The following PSMD1 variants were observed in gnomAD, a reference collection of about 807,000 sequenced individuals.
The protein encoded by PSMD1 is proteasome 26S subunit, non-ATPase 1.
In PSMD1, 18 loss-of-function variants were observed where a neutral mutation model predicts 119.0. The observed-to-expected ratio is 0.15, with a 90% CI of 0.10 to 0.22. PSMD1 has a LOEUF of 0.22. Among genes scored for constraint, PSMD1 ranks in the 10% least tolerant of loss-of-function variants. The pLI is 1.00. For missense variants in PSMD1, 702 were observed against 1,158.5 expected (o/e 0.61, Z 5.72); for synonymous variants, 374 against 396.6 (o/e 0.94, Z 0.68).
chr2:231,123,560 T>C (rs1397921791), intron 16 of PSMD1: 1 of 1,614,112 alleles, frequency 6.2e-7, no homozygotes, highest in African/African-American at 1.3e-5. Flanking sequence ...TTTCCACCAA[T>C]TGTGGGTATT....
chr2:231,131,343 A>G (rs960209056), intron 16 of PSMD1, among the ~76,000 whole-genome samples: 1 of 152,192 alleles, frequency 6.6e-6, no homozygotes, highest in African/African-American at 2.4e-5. Context: ...TGGTGATATA[A>G]TTTTATCATT....
At chr2:231,149,016 C>G (rs1696312919) in intron 18 of PSMD1, among the ~76,000 whole-genome samples, 1 of 152,052 alleles carries the variant, frequency 6.6e-6, no homozygotes, top group East Asian at 1.9e-4. Flanking sequence ...AGTTATAAAC[C>G]CCTCTCAAAG....
intron 16 of PSMD1, among the ~76,000 whole-genome samples, chr2:231,134,036 T>C (rs1401741906): frequency 6.6e-6 from 1 of 152,240 alleles, no homozygotes; most frequent in African/African-American, 2.4e-5. Context: ...TATTTTGGTG[T>C]GCGTTTCATT....
intron 1 of PSMD1, among the ~76,000 whole-genome samples, chr2:231,059,877 TGTAGA>T (rs1166969184): frequency 1.3e-5 from 2 of 152,014 alleles, no homozygotes; most frequent in Admixed American, 1.3e-4. Flanking sequence ...ATGTATGGAG[TGTAGA>T]GTATTTGATT....
chr2:231,158,170 G>A (rs1350990681), intron 19 of PSMD1, among the ~76,000 whole-genome samples: 1 of 152,008 alleles, frequency 6.6e-6, no homozygotes, highest in Non-Finnish European at 1.5e-5. Flanking sequence ...ACTTAGCTGG[G>A]CGTGGTGGTG....
intron 16 of PSMD1, chr2:231,108,587 A>G: frequency 1.2e-6 from 2 of 1,613,944 alleles, no homozygotes; most frequent in South Asian, 1.1e-5. Context: ...ATCTAGTAGA[A>G]TGATTGATGA....
At chr2:231,160,591 ACTAT>A (rs1162913515) in intron 19 of PSMD1, among the ~76,000 whole-genome samples, 11 of 152,220 alleles carry the variant, frequency 7.2e-5, no homozygotes, top group African/African-American at 1.2e-4. Flanking sequence ...AACTAAGCAA[ACTAT>A]CTATGCTTGC....
At chr2:231,064,014 C>G (rs1186704677) in intron 4 of PSMD1, among the ~76,000 whole-genome samples, 4 of 152,068 alleles carry the variant, frequency 2.6e-5, no homozygotes, top group African/African-American at 9.7e-5. Flanking sequence ...CAGTGATCTA[C>G]AAATGCTTAA....
chr2:231,091,035 A>G (rs1254297986), intron 16 of PSMD1, among the ~76,000 whole-genome samples: 1 of 152,206 alleles, frequency 6.6e-6, no homozygotes, highest in Non-Finnish European at 1.5e-5. Context: ...CGAGTGATAG[A>G]TGAAAGAAGT....
chr2:231,065,594 C>A (rs535383623), intron 4 of PSMD1, among the ~76,000 whole-genome samples: 1 of 152,134 alleles, frequency 6.6e-6, no homozygotes. Flanking sequence ...CCACCGCGCC[C>A]GGCCAGGGTG....
chr2:231,135,034 T>C (rs1695936772), intron 16 of PSMD1, among the ~76,000 whole-genome samples: 1 of 152,214 alleles, frequency 6.6e-6, no homozygotes, highest in Non-Finnish European at 1.5e-5. Flanking sequence ...ACAGAAAATA[T>C]AGTCTCAGCC....
intron 16 of PSMD1, among the ~76,000 whole-genome samples, chr2:231,103,345 CT>C (rs1292292069): frequency 1.3e-5 from 2 of 152,144 alleles, no homozygotes; most frequent in African/African-American, 4.8e-5. Context: ...TCACAAAATC[CT>C]TATGACATAA....
intron 16 of PSMD1, among the ~76,000 whole-genome samples, chr2:231,092,567 C>T (rs751673464): frequency 2.6e-5 from 4 of 152,122 alleles, no homozygotes; most frequent in East Asian, 1.9e-4. Context: ...TGGGATATCC[C>T]GTCCCTCCAT....
chr2:231,167,555 A>C (rs1696816913), intron 23 of PSMD1, among the ~76,000 whole-genome samples: 2 of 151,976 alleles, frequency 1.3e-5, no homozygotes, highest in Non-Finnish European at 2.9e-5. Context: ...AATCCTGTTG[A>C]AGGTATAGCC....
chr2:231,083,569 G>A lies in PSMD1; in HGVS notation c.1528G>A (p.Glu510Lys), dbSNP rs1694364876. The A allele has an allele frequency of 6.2e-7, 1 of 1,614,182 alleles. No homozygotes were observed. The highest frequency in any genetic ancestry group is 8.5e-7 in the Non-Finnish European group (1 of 1,180,014). ...NLYQDDAVTG[E>K]AAGLALGLVM... ...ACATTTTACTCGTTACTTGCCAGGG[G>A]AAGCAGCTGGCCTGGCCCTAGGTTT... The change falls in exon 14 of 25, where the codon GAA (glutamate) becomes AAA (lysine). Residue 510 changes from glutamate (E) to lysine (K), a missense_variant and splice_region_variant. By Grantham distance (56) the Glu-to-Lys change is moderately conservative. This residue lies in a region of PSMD1 where 272 missense variants were observed against 511.6 expected (regional missense o/e 0.53). Transcript: ENST00000308696.
intron 16 of PSMD1, among the ~76,000 whole-genome samples, chr2:231,129,117 A>G (rs1319309462): frequency 1.3e-5 from 2 of 152,224 alleles, no homozygotes; most frequent in African/African-American, 2.4e-5. Flanking sequence ...ATAGACTTTT[A>G]TCATTAGAAT....
intron 17 of PSMD1, among the ~76,000 whole-genome samples, chr2:231,141,983 A>C (rs938081978): frequency 1.3e-5 from 2 of 152,082 alleles, no homozygotes; most frequent in African/African-American, 4.8e-5. Flanking sequence ...CCTGGGTTCA[A>C]ACGATTCTCC....
intron 18 of PSMD1, among the ~76,000 whole-genome samples, chr2:231,151,539 T>A (rs1347417788): frequency 6.6e-6 from 1 of 152,190 alleles, no homozygotes; most frequent in Non-Finnish European, 1.5e-5. Flanking sequence ...TATTGTATAG[T>A]TGGACTGATT....
intron 16 of PSMD1, among the ~76,000 whole-genome samples, chr2:231,091,388 G>T (rs549086040): frequency 3.3e-5 from 5 of 152,008 alleles, no homozygotes; most frequent in Non-Finnish European, 1.5e-5. Flanking sequence ...AAAACCTCCC[G>T]GCCTTCCAAT....
Sources: allele counts gnomAD v4.1 joint callset (sites outside exome capture counted in the v4.1 genomes callset), GRCh38; gene constraint gnomAD v4.1.1; regional missense constraint gnomAD v4.1.1; transcripts MANE v1.5; gene names NCBI Gene and HGNC (gene_info 2026-07-23, HGNC 2026-07-21).